Variants in KCNH7 observed in about 807,000 individuals in gnomAD.
The protein encoded by KCNH7 is potassium voltage-gated channel subfamily H member 7, also known as voltage-gated inwardly rectifying potassium channel KCNH7.
In KCNH7, 49 loss-of-function variants were observed where a neutral mutation model predicts 120.8. That is an observed-to-expected ratio of 0.41 (90% CI 0.32 to 0.51). KCNH7 has a LOEUF of 0.51. Among genes scored for constraint, KCNH7 ranks in the 20% least tolerant of loss-of-function variants. KCNH7 has a pLI of 0.38. For synonymous variants in KCNH7, 547 were observed against 516.1 expected (o/e 1.06, Z -0.81); for missense variants, 1,097 against 1,446.6 (o/e 0.76, Z 3.92).
In KCNH7 at chr2:162,512,057, T is replaced by C. The variant is rs923014223; in HGVS notation, c.913+597A>G. Among the ~76,000 whole-genome samples the C allele has an allele frequency of 2.6e-5, 4 of 151,798 alleles. No homozygotes were observed. In the East Asian group the frequency reaches 5.8e-4, roughly 22 times the overall value. On this transcript the variant is annotated intron_variant, in intron 5 of 15. Transcript: ENST00000332142. ...TATCCAGAGTATTCCCAGTTAAATA[T>C]AACCCTATGGTAGTTGTAGGTCATG... is the stretch of plus-strand genomic sequence containing the variant.
chr2:162,447,860 A>G (rs535369143), intron 6 of KCNH7, among the ~76,000 whole-genome samples: 6 of 152,112 alleles, frequency 3.9e-5, no homozygotes, highest in African/African-American at 1.4e-4. Flanking sequence ...CCCAAATGAG[A>G]CACAATATAA....
chr2:162,728,909 A>G (rs1452389542), intron 2 of KCNH7, among the ~76,000 whole-genome samples: 1 of 152,204 alleles, frequency 6.6e-6, no homozygotes, highest in African/African-American at 2.4e-5. Context: ...CCAAGATTTC[A>G]TGTAAAATTT....
chr2:162,838,588 G>A lies in KCNH7; in HGVS notation c.-70C>T. 1.1e-5 allele frequency: 15 copies of A among 1,309,868 alleles called. No homozygotes were observed. Among genetic ancestry groups the A allele is most frequent in the Admixed American group, 1.9e-5 (1 of 53,100 alleles). 81.1% of individuals were successfully genotyped at this position (1,309,868 alleles called of 1,614,324 possible). On this transcript the variant is annotated 5_prime_UTR_variant, in exon 1 of 16. Transcript: ENST00000332142. Reference sequence around the variant, plus strand: ...TTCTCCCGGGATCTCTCCTCGGCTAGAGCCCAGGCCAGCGCGCGAGCCGCT... The same window carrying A: ...TTCTCCCGGGATCTCTCCTCGGCTAAAGCCCAGGCCAGCGCGCGAGCCGCT...
chr2:162,834,675 A>G (rs1685592095), intron 2 of KCNH7, among the ~76,000 whole-genome samples: 1 of 152,152 alleles, frequency 6.6e-6, no homozygotes, highest in Non-Finnish European at 1.5e-5. Flanking sequence ...AATTAATCAT[A>G]TCTGTGATTC....
intron 2 of KCNH7, among the ~76,000 whole-genome samples, chr2:162,545,347 CT>C (rs1165384193): frequency 6.6e-6 from 1 of 152,194 alleles, no homozygotes. Context: ...GCGATAACAT[CT>C]AGCTCCTTGG....
chr2:162,732,064 G>A (rs1400460985), intron 2 of KCNH7, among the ~76,000 whole-genome samples: 1 of 152,094 alleles, frequency 6.6e-6, no homozygotes, highest in East Asian at 1.9e-4. Context: ...GGCTTTCTAG[G>A]GATACCTTGC....
intron 2 of KCNH7, among the ~76,000 whole-genome samples, chr2:162,666,351 T>A (rs1387058552): frequency 6.6e-6 from 1 of 151,890 alleles, no homozygotes; most frequent in Non-Finnish European, 1.5e-5. Flanking sequence ...CAATCCCTAA[T>A]AAATTCTGCC....
chr2:162,433,981 A>G (rs1020023119), intron 8 of KCNH7, among the ~76,000 whole-genome samples: 1 of 152,018 alleles, frequency 6.6e-6, no homozygotes, highest in Non-Finnish European at 1.5e-5. Flanking sequence ...ATCAACCTAG[A>G]TGTCCATCAG....
chr2:162,579,932 G>A (rs1414072252), intron 2 of KCNH7, among the ~76,000 whole-genome samples: 2 of 152,052 alleles, frequency 1.3e-5, no homozygotes, highest in Non-Finnish European at 2.9e-5. Flanking sequence ...CTTTAATGGA[G>A]AAGTATAACT....
intron 2 of KCNH7, among the ~76,000 whole-genome samples, chr2:162,676,133 C>T (rs978354144): frequency 2.0e-5 from 3 of 151,416 alleles, no homozygotes; most frequent in African/African-American, 7.3e-5. Context: ...AACTTGAATG[C>T]CTAAAAGCAG....
Position 162,400,356 on chromosome 2 carries a change from C to T in KCNH7, c.2240G>A (p.Arg747Gln), listed in dbSNP as rs771751716. The T allele has an allele frequency of 8.7e-6, 14 of 1,612,250 alleles. No individual in the cohort carries two copies. The highest frequency in any genetic ancestry group is 4.0e-5 in the African/African-American group (3 of 74,746). The change falls in exon 10 of 16, where the codon CGG becomes CAG. Residue 747 changes from arginine (R) to glutamine (Q), a missense_variant. By Grantham distance (43) the Arg-to-Gln change is conservative (BLOSUM62 1). Around this residue, in one of 8 missense-constraint regions of KCNH7, gnomAD observed 101 missense variants for 176.3 expected, o/e 0.57. Transcript: ENST00000332142. ...QTLLQNCKAF[R>Q]GASKGCLRAL... ...TCTAAGGCAACCTTTACTTGCCCCC[C>T]GAAAGGCTTTGCAGTTTTGCAGCAA...
chr2:162,799,435 T>A (rs1188149608), intron 2 of KCNH7, among the ~76,000 whole-genome samples: 1 of 151,880 alleles, frequency 6.6e-6, no homozygotes, highest in African/African-American at 2.4e-5. Context: ...TAGGTAATAA[T>A]CAAGCAATAT....
At chr2:162,457,719 C>A (rs1347111004) in intron 6 of KCNH7, among the ~76,000 whole-genome samples, 1 of 152,122 alleles carries the variant, frequency 6.6e-6, no homozygotes, top group East Asian at 1.9e-4. Context: ...TGAAGCTGCT[C>A]ATCAGTTATT....
intron 2 of KCNH7, among the ~76,000 whole-genome samples, chr2:162,705,176 A>T (rs1686654266): frequency 6.6e-6 from 1 of 152,142 alleles, no homozygotes; most frequent in Non-Finnish European, 1.5e-5. Flanking sequence ...AATGATATAT[A>T]ATGTATAGAA....
chr2:162,812,874 G>A (rs1684785724), intron 2 of KCNH7, among the ~76,000 whole-genome samples: 1 of 152,128 alleles, frequency 6.6e-6, no homozygotes, highest in African/African-American at 2.4e-5. Context: ...GGAAGGACTA[G>A]ATGACCTTGG....
intron 2 of KCNH7, among the ~76,000 whole-genome samples, chr2:162,799,012 A>C (rs1401874688): frequency 5.9e-5 from 9 of 152,062 alleles, no homozygotes; most frequent in Non-Finnish European, 2.9e-5. Flanking sequence ...CAAACTCTAA[A>C]TGGCCATTTA....
At chr2:162,801,071 G>T (rs1684328354) in intron 2 of KCNH7, among the ~76,000 whole-genome samples, 1 of 151,690 alleles carries the variant, frequency 6.6e-6, no homozygotes, top group Non-Finnish European at 1.5e-5. Context: ...TTATGGAAAG[G>T]TAAACACAAG....
rs562963290 is a variant in KCNH7 at position 162,372,617 on chromosome 2, G to A, written c.3325-522C>T. ...ACTTTCAGATTTTTAGAAGTATTGCGTTATTTTCCTTCTGACACATTACCT... is the reference window on the plus strand; with the variant it reads ...ACTTTCAGATTTTTAGAAGTATTGCATTATTTTCCTTCTGACACATTACCT... On this transcript the variant is annotated intron_variant, in intron 15 of 15. Transcript: ENST00000332142. Among the ~76,000 whole-genome samples, 12 of 152,168 alleles carry A rather than the reference G, an allele frequency of 7.9e-5. No homozygotes were observed. In the South Asian group the frequency reaches 1.2e-3, roughly 16 times the overall value.
chr2:162,402,822 T>A (rs1462262703), intron 9 of KCNH7, among the ~76,000 whole-genome samples: 1 of 151,816 alleles, frequency 6.6e-6, no homozygotes, highest in East Asian at 2.0e-4. Flanking sequence ...TGTGTGTGCA[T>A]GCACATACAC....
Sources: gnomAD v4.1 joint callset for allele counts (sites outside exome capture counted in the v4.1 genomes callset) on GRCh38, gnomAD v4.1.1 for gene constraint, gnomAD v4.1.1 regional missense constraint, MANE v1.5 for transcripts, NCBI Gene and HGNC (gene_info 2026-07-23, HGNC 2026-07-21) for gene names.